Variants in MBTPS1 observed in about 807,000 individuals in gnomAD.
MBTPS1 encodes membrane bound transcription factor peptidase, site 1.
MBTPS1 carries 94 observed loss-of-function variants against 127.8 expected under a neutral mutation model. The ratio of observed to expected loss-of-function variants is 0.74; its 90% CI spans 0.62 to 0.87. The LOEUF is 0.87. Among genes scored for constraint, MBTPS1 ranks in the 40% least tolerant of loss-of-function variants. The pLI is 0.00. For synonymous variants in MBTPS1, 632 were observed against 509.4 expected (o/e 1.24, Z -3.24); for missense variants, 1,636 against 1,353.2 (o/e 1.21, Z -3.28).
Position 84,116,767 on chromosome 16 carries a change from C to A in MBTPS1, c.-357G>T, listed in dbSNP as rs2086487901. 1 of 152,092 alleles carries A rather than the reference C, an allele frequency of 6.6e-6. No individual in the cohort carries two copies. The allele number at this position is 152,092 out of a possible 1,614,324, so 9.4% of individuals were successfully genotyped here. ...GCCGGGAGCTCAGGGCCGGCGGGCC[C>A]GGGATAACGGCGCCTCCGCGGCGAA... On this transcript the variant is annotated 5_prime_UTR_variant, in exon 1 of 23. Transcript: ENST00000343411.
chr16:84,105,429 T>G (rs1011439760), intron 1 of MBTPS1, among the ~76,000 whole-genome samples: 1 of 152,124 alleles, frequency 6.6e-6, no homozygotes, highest in African/African-American at 2.4e-5. Flanking sequence ...CCACAGATGC[T>G]GAACTGACAC....
chr16:84,066,250 A>G (rs1225168136), intron 17 of MBTPS1, among the ~76,000 whole-genome samples: 1 of 152,238 alleles, frequency 6.6e-6, no homozygotes, highest in Non-Finnish European at 1.5e-5. Context: ...ACTACTACAT[A>G]AAGACTCTAA....
intron 11 of MBTPS1, among the ~76,000 whole-genome samples, chr16:84,077,874 C>G (rs980686386): frequency 1.3e-5 from 2 of 151,778 alleles, no homozygotes; most frequent in Non-Finnish European, 2.9e-5. Context: ...ATCGAGAACT[C>G]TAAAGAGGGA....
chr16:84,073,517 A>G (rs1429748459), intron 12 of MBTPS1, among the ~76,000 whole-genome samples: 1 of 152,218 alleles, frequency 6.6e-6, no homozygotes, highest in Non-Finnish European at 1.5e-5. Flanking sequence ...AACAAAAAAA[A>G]TAAGTATTGC....
intron 11 of MBTPS1, among the ~76,000 whole-genome samples, chr16:84,077,100 C>T (rs1009089997): frequency 1.8e-4 from 28 of 151,966 alleles, no homozygotes; most frequent in African/African-American, 5.3e-4. Flanking sequence ...GGGGTATGTA[C>T]CTGCAGTCCA....
At position 84,102,777 on chromosome 16, in the gene MBTPS1, T is replaced by G. The variant is rs191892168; in HGVS notation, c.-324-670A>C. The stretch of plus-strand genomic sequence containing the variant: ...AACAGCAAAGTAATTTCCCTATCAG[T>G]GATATTTAACACCTTCTTTAAGAAA... On this transcript the variant is annotated intron_variant, in intron 1 of 22. Transcript: ENST00000343411. 2.6e-3 allele frequency among the ~76,000 whole-genome samples: 396 copies of G among 152,350 alleles called. 1 individual carries two copies. The Middle Eastern group carries it at 0.031, about 12-fold the overall frequency.
At chr16:84,068,790 G>C in intron 14 of MBTPS1, among the ~76,000 whole-genome samples, 1 of 152,276 alleles carries the variant, frequency 6.6e-6, no homozygotes, top group East Asian at 1.9e-4. Context: ...GTGTCTGACA[G>C]AAGAGCTTAG....
intron 5 of MBTPS1, 29 bp from the exon 6 acceptor site, chr16:84,093,326 A>G: frequency 7.0e-7 from 1 of 1,423,718 alleles, no homozygotes; most frequent in Non-Finnish European, 9.9e-7. Flanking sequence ...ACAATCCCAT[A>G]AAACACACTG....
At chr16:84,093,679 A>G (rs1274465797) in intron 5 of MBTPS1, 32 bp downstream of exon 5, 1 of 1,427,706 alleles carries the variant, frequency 7.0e-7, no homozygotes, top group Non-Finnish European at 9.9e-7. Context: ...AGTCGATCAC[A>G]TGACCACGTT....
chr16:84,088,143 C>T (rs1567492368), intron 8 of MBTPS1, among the ~76,000 whole-genome samples: 1 of 151,932 alleles, frequency 6.6e-6, no homozygotes, highest in Non-Finnish European at 1.5e-5. Context: ...AAAGATGAAC[C>T]ATTTGAAAAT....
At chr16:84,082,013 G>T in intron 10 of MBTPS1, 105 bp from the exon 11 acceptor site, 1 of 750,464 alleles carries the variant, frequency 1.3e-6, no homozygotes, top group Non-Finnish European at 1.9e-6. Context: ...CTGCAGTCTT[G>T]TTTAGTATCC....
At chr16:84,090,800 CACAA>C (rs1254590495) in intron 8 of MBTPS1, 71 bp downstream of exon 8, 1 of 1,061,432 alleles carries the variant, frequency 9.4e-7, no homozygotes, top group Non-Finnish European at 1.5e-6. Flanking sequence ...TAGGTAGATA[CACAA>C]ACAGATAACA....
intron 11 of MBTPS1, among the ~76,000 whole-genome samples, chr16:84,077,952 A>T (rs1324704321): frequency 6.6e-6 from 1 of 152,210 alleles, no homozygotes; most frequent in Non-Finnish European, 1.5e-5. Context: ...AAAAGCTCTT[A>T]AACATGGACT....
chr16:84,054,826 A>C (rs2085496366), intron 22 of MBTPS1, among the ~76,000 whole-genome samples, 181 bp from the exon 23 acceptor site: 1 of 152,212 alleles, frequency 6.6e-6, no homozygotes, highest in Non-Finnish European at 1.5e-5. Context: ...TAAAGAGTGG[A>C]TGAGAGCAAA....
chr16:84,115,414 A>G (rs560829589), intron 1 of MBTPS1, among the ~76,000 whole-genome samples: 1 of 152,320 alleles, frequency 6.6e-6, no homozygotes, highest in East Asian at 1.9e-4. Flanking sequence ...CCCAGCTCCC[A>G]TTCTCAATCA....
At chr16:84,056,390 C>T (rs1218740903) in intron 21 of MBTPS1, 1 of 376,134 alleles carries the variant, frequency 2.7e-6, no homozygotes. Context: ...CCAGCAGGAG[C>T]CTGTTTTTGC....
intron 5 of MBTPS1, 103 bp downstream of exon 5, chr16:84,093,608 C>A (rs1008415905): frequency 1.2e-6 from 1 of 861,606 alleles, no homozygotes; most frequent in Non-Finnish European, 1.9e-6. Flanking sequence ...CACAATAACA[C>A]CTTGGGCTTG....
chr16:84,084,908 C>A, intron 10 of MBTPS1, 75 bp downstream of exon 10: 1 of 1,502,684 alleles, frequency 6.7e-7, no homozygotes, highest in Non-Finnish European at 9.1e-7. Flanking sequence ...AAGCAAGACA[C>A]GACTCCTGCT....
In MBTPS1 at chr16:84,054,310, G is replaced by C; in HGVS notation, c.*139C>G. ...GCCTCTGCCCATCACAGGAGGGCAG[G>C]CCCATGTAGAACAGACTCTAACAAA... On this transcript the variant is annotated 3_prime_UTR_variant, in exon 23 of 23. Transcript: ENST00000343411. 1.5e-6 allele frequency: 1 copy of C among 651,068 alleles called. No individual in the cohort carries two copies. The highest frequency in any genetic ancestry group is 2.6e-4 in the Middle Eastern group (1 of 3,910). The allele number at this position is 651,068 out of a possible 1,614,324, so 40.3% of individuals were successfully genotyped here.
Sources: allele counts gnomAD v4.1 joint callset (sites outside exome capture counted in the v4.1 genomes callset), GRCh38; gene constraint gnomAD v4.1.1; transcripts MANE v1.5; gene names NCBI Gene and HGNC (gene_info 2026-07-23, HGNC 2026-07-21).